Variants in OR2C1 observed in about 807,000 individuals in gnomAD.
The protein encoded by OR2C1 is olfactory receptor 2C1.
For missense variants in OR2C1, 468 were observed against 388.3 expected (o/e 1.21, Z -1.73); for synonymous variants, 209 against 167.3 (o/e 1.25, Z -1.92).
the OR2C1 span, among the ~76,000 whole-genome samples, chr16:3,347,246 C>CAAAAAA: frequency 1.1e-4 from 7 of 64,482 alleles, 1 homozygote; most frequent in Non-Finnish European, 1.4e-4. Flanking sequence ...GACTCTGTCT[C>CAAAAAA]AAAAAAAAAA....
chr16:3,324,934 T>C, the OR2C1 span, among the ~76,000 whole-genome samples: 1 of 152,266 alleles, frequency 6.6e-6, no homozygotes, highest in East Asian at 1.9e-4. Context: ...AAAGTTATAT[T>C]TACACTGTAC....
At chr16:3,347,441 G>A in the OR2C1 span, among the ~76,000 whole-genome samples, 1 of 151,672 alleles carries the variant, frequency 6.6e-6, no homozygotes, top group Admixed American at 6.6e-5. Context: ...CAGGTTTACT[G>A]TGAGATATTC....
chr16:3,356,880 G>A lies in OR2C1; in HGVS notation c.*1G>A, dbSNP rs764979469. On this transcript the variant is annotated 3_prime_UTR_variant, in exon 1 of 1. Transcript: ENST00000304936. Reference sequence around the variant, plus strand: ...GGGGAAAGGAAGAGAAGTTGGCTGAGAGAACACTCCTTCGTTATTTATTGC... The same window carrying A: ...GGGGAAAGGAAGAGAAGTTGGCTGAAAGAACACTCCTTCGTTATTTATTGC... 1.3e-6 allele frequency: 2 copies of A among 1,573,248 alleles called. No homozygotes were observed. Among genetic ancestry groups the A allele is most frequent in the African/African-American group, 2.7e-5 (2 of 73,992 alleles).
chr16:3,340,150 G>A, the OR2C1 span, among the ~76,000 whole-genome samples: 2 of 152,004 alleles, frequency 1.3e-5, no homozygotes, highest in East Asian at 3.9e-4. Context: ...ATGGTGGCAG[G>A]CACCTGTAAT....
chr16:3,347,832 ACACATACACACATGCACACG>A, the OR2C1 span, among the ~76,000 whole-genome samples: 52 of 111,610 alleles, frequency 4.7e-4, no homozygotes, highest in Non-Finnish European at 1.0e-3. Flanking sequence ...ACACATGCAC[ACACATACACACATGCACACG>A]CACACACGCG....
chr16:3,327,023 A>G, the OR2C1 span, among the ~76,000 whole-genome samples: 2 of 152,182 alleles, frequency 1.3e-5, no homozygotes, highest in Admixed American at 6.5e-5. Flanking sequence ...GTTCATTGTA[A>G]CCGAAATAAT....
chr16:3,350,141 C>T, the OR2C1 span, among the ~76,000 whole-genome samples: 2 of 148,122 alleles, frequency 1.4e-5, no homozygotes, highest in Admixed American at 6.7e-5. Flanking sequence ...CTGCAACCAC[C>T]GCCTTCCAGG....
chr16:3,351,012 G>A (rs1276992068), upstream of OR2C1, among the ~76,000 whole-genome samples: 1 of 145,014 alleles, frequency 6.9e-6, no homozygotes, highest in Non-Finnish European at 1.5e-5. Context: ...TCCAGCCTGG[G>A]TGACACAGTG....
the OR2C1 span, among the ~76,000 whole-genome samples, chr16:3,326,969 A>G: frequency 6.6e-6 from 1 of 152,192 alleles, no homozygotes; most frequent in Admixed American, 6.5e-5. Context: ...ACGTGAATCT[A>G]TACATTCCCT....
At chr16:3,334,651 T>G in the OR2C1 span, among the ~76,000 whole-genome samples, 1 of 151,506 alleles carries the variant, frequency 6.6e-6, no homozygotes, top group Non-Finnish European at 1.5e-5. Flanking sequence ...TTGTATATTC[T>G]TGACACCTTT....
upstream of OR2C1, among the ~76,000 whole-genome samples, chr16:3,354,176 G>A (rs1368474484): frequency 6.6e-6 from 1 of 151,888 alleles, no homozygotes; most frequent in African/African-American, 2.4e-5. Flanking sequence ...GTAGAGACGG[G>A]GTTTCACCAT....
the OR2C1 span, among the ~76,000 whole-genome samples, chr16:3,330,334 T>A: frequency 3.7e-4 from 57 of 152,088 alleles, 2 homozygotes; most frequent in South Asian, 8.7e-3. Context: ...TCCAGGATGG[T>A]CTCGATCTCC....
the OR2C1 span, among the ~76,000 whole-genome samples, chr16:3,326,380 A>G: frequency 1.3e-5 from 2 of 152,106 alleles, no homozygotes; most frequent in Non-Finnish European, 2.9e-5. Flanking sequence ...TCCACACCAG[A>G]CACTGCCTTA....
chr16:3,351,887 CTT>C (rs35692577), upstream of OR2C1, among the ~76,000 whole-genome samples: 10,584 of 124,646 alleles, frequency 0.085, 1,195 homozygotes, highest in African/African-American at 0.27. Context: ...AGCATTTAGT[CTT>C]TTTTTTTTTT....
At chr16:3,345,221 C>T in the OR2C1 span, among the ~76,000 whole-genome samples, 1 of 151,988 alleles carries the variant, frequency 6.6e-6, no homozygotes, top group African/African-American at 2.4e-5. Context: ...GTAATCCCAG[C>T]ACTTTGGGAG....
chr16:3,350,469 T>C, the OR2C1 span, among the ~76,000 whole-genome samples: 1 of 151,666 alleles, frequency 6.6e-6, no homozygotes, highest in South Asian at 2.1e-4. Flanking sequence ...TGGAGTGCAG[T>C]GGCGCGATCT....
At chr16:3,347,810 GCA>G in the OR2C1 span, among the ~76,000 whole-genome samples, 2 of 142,928 alleles carry the variant, frequency 1.4e-5, no homozygotes, top group Admixed American at 1.5e-4. Flanking sequence ...ACACGCACGT[GCA>G]CACACGAACA....
At chr16:3,347,246 C>CAAA in the OR2C1 span, among the ~76,000 whole-genome samples, 47,400 of 64,416 alleles carry the variant, frequency 0.74, 17,988 homozygotes, top group East Asian at 0.86. Flanking sequence ...GACTCTGTCT[C>CAAA]AAAAAAAAAA....
At chr16:3,355,227 C>T (rs1040509434), upstream of OR2C1, among the ~76,000 whole-genome samples, 3 of 151,746 alleles carry the variant, frequency 2.0e-5, no homozygotes, top group South Asian at 2.1e-4. Flanking sequence ...TTTTGAGAGG[C>T]TGAGGCTGGC....
Sources: gnomAD v4.1 joint callset for allele counts (sites outside exome capture counted in the v4.1 genomes callset) on GRCh38, gnomAD v4.1.1 for gene constraint, MANE v1.5 for transcripts, NCBI Gene and HGNC (gene_info 2026-07-23, HGNC 2026-07-21) for gene names.